Variants in MAST4 observed in about 807,000 individuals in gnomAD.
The protein encoded by MAST4 is microtubule-associated serine/threonine-protein kinase 4.
A neutral mutation model predicts 162.7 loss-of-function variants in MAST4; 89 were observed. That is an observed-to-expected ratio of 0.55 (90% CI 0.46 to 0.65). The LOEUF (loss-of-function observed/expected upper bound fraction) is 0.65. MAST4 is among the 30% of genes least tolerant of loss of function. MAST4 has a pLI of 0.00. For synonymous variants in MAST4, 1,479 were observed against 1,361.1 expected, an observed-to-expected ratio of 1.09 and a Z score of -1.91; for missense variants, 3,153 against 3,374.0, an observed-to-expected ratio of 0.93 and a Z score of 1.62.
intron 9 of MAST4, among the ~76,000 whole-genome samples, chr5:67,103,128 G>A (rs1478776546): frequency 6.6e-6 from 1 of 152,202 alleles, no homozygotes; most frequent in Non-Finnish European, 1.5e-5. Flanking sequence ...GTGTTCTCCA[G>A]TTAGACTGGT....
At chr5:66,660,172 T>C (rs538283404) in intron 1 of MAST4, among the ~76,000 whole-genome samples, 3 of 152,188 alleles carry the variant, frequency 2.0e-5, no homozygotes, top group Non-Finnish European at 4.4e-5. Flanking sequence ...GTGGATCACC[T>C]GAGGTCAGGA....
chr5:67,084,073 A>C (rs1038257747), intron 5 of MAST4, among the ~76,000 whole-genome samples: 2 of 152,208 alleles, frequency 1.3e-5, no homozygotes, highest in Non-Finnish European at 2.9e-5. Flanking sequence ...AATACAGTAC[A>C]CAAGTTCCAG....
chr5:67,034,371 C>A (rs140864200), intron 4 of MAST4, among the ~76,000 whole-genome samples: 199 of 152,224 alleles, frequency 1.3e-3, no homozygotes, highest in Middle Eastern at 6.8e-3. Flanking sequence ...ACTTGTGGGC[C>A]TCTTTAGGCT....
rs959644905 is a variant in MAST4 at position 66,822,388 on chromosome 5, C to T, written c.642+33594C>T. Among the ~76,000 whole-genome samples the T allele has an allele frequency of 2.6e-5, 4 of 152,134 alleles. No individual in the cohort carries two copies. The East Asian group carries it at 5.8e-4, about 22-fold the overall frequency. Reference sequence around the variant, plus strand: ...GAAAATGAAGAGCTGCCAGAACCCCCGCAAGTTAGCAGGGATGTGTATTAT... The same window carrying T: ...GAAAATGAAGAGCTGCCAGAACCCCTGCAAGTTAGCAGGGATGTGTATTAT... On this transcript the variant is annotated intron_variant, in intron 3 of 28. Coordinates refer to ENST00000403625, the MANE Select transcript of MAST4 (RefSeq NM_001164664.2).
intron 1 of MAST4, among the ~76,000 whole-genome samples, chr5:66,677,696 G>A (rs7737143): frequency 0.61 from 92,322 of 151,998 alleles, 28,387 homozygotes; most frequent in South Asian, 0.7. Context: ...CCGAAGAAGT[G>A]ATGTTTAAAC....
intron 1 of MAST4, among the ~76,000 whole-genome samples, chr5:66,692,526 G>A (rs71632581): frequency 6.7e-4 from 102 of 151,854 alleles, no homozygotes; most frequent in Non-Finnish European, 1.3e-3. Flanking sequence ...GGGCTATTCC[G>A]CAAGCTGGGC....
chr5:66,832,594 G>A (rs575892995), intron 3 of MAST4, among the ~76,000 whole-genome samples: 4 of 152,150 alleles, frequency 2.6e-5, no homozygotes, highest in Non-Finnish European at 5.9e-5. Context: ...ATCTGCCTCT[G>A]TCTCATGGTG....
In MAST4 at chr5:67,166,264, C is replaced by T. The variant is rs1773948202; in HGVS notation, c.7085C>T (p.Ala2362Val). 2.6e-6 allele frequency: 4 copies of T among 1,554,172 alleles called. No individual in the cohort carries two copies. The highest frequency in any genetic ancestry group is 1.7e-6 in the Non-Finnish European group (2 of 1,148,328). ...ACAGACAAAAGCCCGAGTCAGCCGG[C>T]CGCCAACACCGACAGAAGGGCGGAA... ...RQTDKSPSQP[A>V]ANTDRRAEGK... The change falls in exon 29 of 29, where the codon GCC (alanine) becomes GTC (valine). Residue 2362 changes from alanine (A) to valine (V), a missense_variant. Transcript: ENST00000403625.
Position 67,145,183 on chromosome 5 carries a change from C to G in MAST4, c.2898C>G (p.Ser966Arg). The change falls in exon 23 of 29, where the codon AGC becomes AGG. Residue 966 changes from serine to arginine, a missense_variant. Physicochemically the swap from Ser to Arg is moderately radical, Grantham distance 110 (BLOSUM62 -1). Coordinates refer to ENST00000403625, the MANE Select transcript of MAST4 (RefSeq NM_001164664.2). ...CATCCAACTCTTCAGATACTGAAAG[C>G]AACAGACATAAACTCAGTTCTGGCC... is the stretch of plus-strand genomic sequence containing the variant. ...LSTSNSSDTE[S>R]NRHKLSSGLL... 6.2e-7 allele frequency: 1 copy of G among 1,612,828 alleles called. No homozygotes were observed. Among genetic ancestry groups the G allele is most frequent in the East Asian group, 2.2e-5 (1 of 44,864 alleles).
chr5:66,824,310 C>T (rs1757137311), intron 3 of MAST4, among the ~76,000 whole-genome samples: 1 of 152,174 alleles, frequency 6.6e-6, no homozygotes, highest in Non-Finnish European at 1.5e-5. Flanking sequence ...GGACGAGGGG[C>T]AGGGCAACAC....
At chr5:66,997,763 A>C (rs1168737245) in intron 4 of MAST4, among the ~76,000 whole-genome samples, 1 of 152,202 alleles carries the variant, frequency 6.6e-6, no homozygotes, top group Non-Finnish European at 1.5e-5. Flanking sequence ...GATAACTAGT[A>C]AGAGTTAACA....
At chr5:66,821,955 G>C (rs1757016538) in intron 3 of MAST4, among the ~76,000 whole-genome samples, 1 of 152,162 alleles carries the variant, frequency 6.6e-6, no homozygotes, top group South Asian at 2.1e-4. Flanking sequence ...CCCCAGTGAG[G>C]GGCATGGGCT....
At chr5:67,129,138 C>T (rs1768613200) in intron 14 of MAST4, among the ~76,000 whole-genome samples, 1 of 152,164 alleles carries the variant, frequency 6.6e-6, no homozygotes, top group South Asian at 2.1e-4. Context: ...AGTTCCCTGA[C>T]ACCTTGACCG....
At chr5:66,619,703 G>A (rs1413392278) in intron 1 of MAST4, among the ~76,000 whole-genome samples, 2 of 151,526 alleles carry the variant, frequency 1.3e-5, no homozygotes, top group East Asian at 3.9e-4. Flanking sequence ...TACATATTTT[G>A]CCAGATTCCT....
At chr5:66,902,318 G>A (rs1156874671) in intron 4 of MAST4, among the ~76,000 whole-genome samples, 3 of 152,300 alleles carry the variant, frequency 2.0e-5, no homozygotes, top group African/African-American at 7.2e-5. Flanking sequence ...GCTTCAGATT[G>A]TATGTCTTGA....
chr5:66,794,664 C>T (rs1323080121), intron 3 of MAST4, among the ~76,000 whole-genome samples: 1 of 152,092 alleles, frequency 6.6e-6, no homozygotes, highest in Non-Finnish European at 1.5e-5. Context: ...GCCAACCAAA[C>T]TGAAAAATAT....
intron 4 of MAST4, among the ~76,000 whole-genome samples, chr5:66,956,719 A>G (rs1309524714): frequency 1.3e-5 from 2 of 152,186 alleles, no homozygotes; most frequent in South Asian, 4.1e-4. Context: ...ATGCTTGATT[A>G]TCCCATATGG....
At chr5:66,870,508 A>T (rs567224260) in intron 3 of MAST4, among the ~76,000 whole-genome samples, 19 of 152,192 alleles carry the variant, frequency 1.2e-4, no homozygotes, top group Non-Finnish European at 2.6e-4. Context: ...TGTAGATTTG[A>T]TGGGAAATAT....
At chr5:66,781,435 C>G (rs770829327) in intron 2 of MAST4, among the ~76,000 whole-genome samples, 2 of 152,232 alleles carry the variant, frequency 1.3e-5, no homozygotes, top group Non-Finnish European at 2.9e-5. Context: ...AGCCTGTGCC[C>G]TGTCTGCCTG....
Sources: gnomAD v4.1 joint callset for allele counts (sites outside exome capture counted in the v4.1 genomes callset) on GRCh38, gnomAD v4.1.1 for gene constraint, MANE v1.5 for transcripts, NCBI Gene and HGNC (gene_info 2026-07-23, HGNC 2026-07-21) for gene names.